The following SLC12A4 variants were observed in gnomAD, a reference collection of about 807,000 sequenced individuals.
SLC12A4 encodes solute carrier family 12 member 4, also known as electroneutral potassium-chloride cotransporter 1.
Under a neutral mutation model 119.2 loss-of-function variants are expected in SLC12A4, and 84 were observed. That is an observed-to-expected ratio of 0.70 (90% CI 0.59 to 0.85). The LOEUF (loss-of-function observed/expected upper bound fraction) is 0.85. SLC12A4 is among the 40% of genes least tolerant of loss of function. The probability of loss-of-function intolerance (pLI) is 0.00; values close to 1 mark genes in which losing one functional copy is unlikely to be tolerated. For synonymous variants in SLC12A4, 599 were observed against 604.6 expected, an observed-to-expected ratio of 0.99 and a Z score of 0.14; for missense variants, 1,298 against 1,476.3, an observed-to-expected ratio of 0.88 and a Z score of 1.98.
intron 6 of SLC12A4, chr16:67,954,270 C>A (rs1354593228): frequency 9.1e-6 from 3 of 328,240 alleles, no homozygotes; most frequent in African/African-American, 4.3e-5. Flanking sequence ...GGCACAGAGC[C>A]CCGGAGGACA....
At position 67,968,425 on chromosome 16, in the gene SLC12A4, G is replaced by C; in HGVS notation, c.115+14C>G. 1 of 1,562,986 alleles carries C rather than the reference G, an allele frequency of 6.4e-7. No homozygotes were observed. The highest frequency in any genetic ancestry group is 8.6e-7 in the Non-Finnish European group (1 of 1,162,048). ...CCCGCTGCCCCGCCACGGCCCCTCA[G>C]AACGCGCCCTCACCGTCCGAGTCAT... On this transcript the variant is annotated intron_variant, in intron 1 of 23. Transcript: ENST00000316341.
chr16:67,948,182 C>T (rs1333169918), intron 13 of SLC12A4, 23 bp from the exon 14 acceptor site: 1 of 1,609,818 alleles, frequency 6.2e-7, no homozygotes, highest in Non-Finnish European at 8.5e-7. Flanking sequence ...GGGCGGTTGG[C>T]GAAGAGCAGC....
In SLC12A4 at chr16:67,944,237, G is replaced by C; in HGVS notation, c.*603C>G. The C allele has an allele frequency of 6.9e-7, 1 of 1,445,202 alleles. No homozygotes were observed. The highest frequency in any genetic ancestry group is 9.1e-7 in the Non-Finnish European group (1 of 1,096,740). 89.5% of individuals were successfully genotyped at this position (1,445,202 alleles called of 1,614,324 possible). A position where few individuals can be genotyped will look rare whatever the true frequency, so the allele number is the denominator to read the frequency against. ...TTGTGGCCAGAGATTGCCGGAAAGG[G>C]GCACAGCCTCAGGGAGCCGGCTCTG... is the stretch of plus-strand genomic sequence containing the variant. On this transcript the variant is annotated 3_prime_UTR_variant, in exon 24 of 24. Coordinates refer to ENST00000316341, the MANE Select transcript of SLC12A4 (RefSeq NM_005072.5). This position sits in a 1 kb window ranked among gnomAD's most constrained non-coding sequence, Gnocchi z 6.6.
rs747996413 is a variant in SLC12A4 at position 67,952,336 on chromosome 16, C to T, written c.765G>A (p.Gly255=). The T allele has an allele frequency of 1.1e-5, 18 of 1,614,022 alleles. No individual in the cohort carries two copies. Among genetic ancestry groups the T allele is most frequent in the Middle Eastern group, 1.6e-4 (1 of 6,084 alleles). The change falls in exon 7 of 24, where the codon GGG becomes GGA. Residue 255 remains glycine (G), a synonymous_variant. Transcript: ENST00000316341. ...GGGTCATGAAGGTCAGGAAAATGGT[C>T]CCATACACACGCATATTGTTCAAAG... ...NATLNNMRVY[G]TIFLTFMTLV... is the part of the protein sequence containing the mutation.
At chr16:67,953,597 A>G (rs539107256) in intron 6 of SLC12A4, among the ~76,000 whole-genome samples, 2 of 152,258 alleles carry the variant, frequency 1.3e-5, no homozygotes, top group Non-Finnish European at 2.9e-5. Flanking sequence ...TCTAGAATTG[A>G]CTGCGCAACT....
intron 5 of SLC12A4, among the ~76,000 whole-genome samples, chr16:67,956,385 T>C (rs577088379): frequency 6.6e-6 from 1 of 151,914 alleles, no homozygotes; most frequent in East Asian, 1.9e-4. Flanking sequence ...GAGAATCCTG[T>C]TTTCAAAAAA....
At chr16:67,948,282 C>A in intron 13 of SLC12A4, 123 bp from the exon 14 acceptor site, 1 of 802,162 alleles carries the variant, frequency 1.2e-6, no homozygotes, top group Non-Finnish European at 2.0e-6. Context: ...TCAGCAAGGT[C>A]TTCTCAACCT....
intron 21 of SLC12A4, 91 bp from the exon 22 acceptor site, chr16:67,945,644 A>G (rs2151323724): frequency 6.6e-7 from 1 of 1,513,820 alleles, no homozygotes; most frequent in Non-Finnish European, 9.0e-7. Flanking sequence ...CCTCCGGGAA[A>G]TGAGCACTAG....
chr16:67,948,638 G>A (rs868034865), intron 13 of SLC12A4, among the ~76,000 whole-genome samples: 16 of 152,238 alleles, frequency 1.1e-4, no homozygotes, highest in African/African-American at 3.1e-4. Flanking sequence ...CCAGCTGCAT[G>A]AGCCCTCCAG....
chr16:67,948,270 G>T, intron 13 of SLC12A4, 111 bp from the exon 14 acceptor site: 1 of 919,104 alleles, frequency 1.1e-6, no homozygotes, highest in Non-Finnish European at 1.7e-6. Flanking sequence ...GCCCTGCATG[G>T]CTCAGCAAGG....
intron 3 of SLC12A4, among the ~76,000 whole-genome samples, chr16:67,960,639 A>C (rs1325406410): frequency 6.6e-6 from 1 of 151,270 alleles, no homozygotes; most frequent in Non-Finnish European, 1.5e-5. Context: ...AGCTCCTCTT[A>C]AAACACCACT....
At position 67,950,038 on chromosome 16, in the gene SLC12A4, G is replaced by A; in HGVS notation, c.1630-120C>T. ...CCTTGGGGGCTCAGGCCGCCCCTGTGTCTATCCCTATGGGTGTCACCAGTC... is the reference window on the plus strand; with the variant it reads ...CCTTGGGGGCTCAGGCCGCCCCTGTATCTATCCCTATGGGTGTCACCAGTC... On this transcript the variant is annotated intron_variant, in intron 12 of 23. Transcript: ENST00000316341. This position sits in a 1 kb window ranked among gnomAD's most constrained non-coding sequence, Gnocchi z 4.3. The A allele has an allele frequency of 1.2e-6, 1 of 801,530 alleles. No homozygotes were observed. The highest frequency in any genetic ancestry group is 2.1e-6 in the Non-Finnish European group (1 of 482,056). 49.7% of individuals were successfully genotyped at this position (801,530 alleles called of 1,614,324 possible).
At position 67,949,831 on chromosome 16, in the gene SLC12A4, A is replaced by C; in HGVS notation, c.1717T>G (p.Ser573Ala). 1 of 1,610,556 alleles carries C rather than the reference A, an allele frequency of 6.2e-7. No homozygotes were observed. Among genetic ancestry groups the C allele is most frequent in the Non-Finnish European group, 8.5e-7 (1 of 1,178,274 alleles). ...LIAELGILIA[S>A]LDMVAPILSM... The stretch of plus-strand genomic sequence containing the variant: ...AAGATGGGGGCCACCATGTCGAGGG[A>C]GGCGATGAGGATGCCCAGCTCGGCG... The change falls in exon 13 of 24, where the codon TCC becomes GCC. Residue 573 changes from serine to alanine, a missense_variant. Physicochemically the swap from Ser to Ala is moderately conservative, Grantham distance 99. Transcript: ENST00000316341. This position sits in a 1 kb window ranked among gnomAD's most constrained non-coding sequence, Gnocchi z 4.6.
At chr16:67,963,204 G>A (rs911594253) in intron 2 of SLC12A4, 6 of 214,186 alleles carry the variant, frequency 2.8e-5, no homozygotes, top group African/African-American at 6.9e-5. Context: ...CTAAGCGGGC[G>A]TTTCCTTGCT....
chr16:67,951,888 T>C lies in SLC12A4; in HGVS notation c.1067A>G (p.Tyr356Cys). 1.2e-6 allele frequency: 2 copies of C among 1,613,704 alleles called. No homozygotes were observed. Among genetic ancestry groups the C allele is most frequent in the Non-Finnish European group, 1.7e-6 (2 of 1,179,962 alleles). The change falls in exon 8 of 24, where the codon TAC (tyrosine) becomes TGC (cysteine). Residue 356 changes from tyrosine to cysteine, a missense_variant. Tyr to Cys is a radical substitution (Grantham distance 194, BLOSUM62 -2). Transcript: ENST00000316341. This position sits in a 1 kb window ranked among gnomAD's most constrained non-coding sequence, Gnocchi z 5.2. ...PNLTTDSCDP[Y>C]FMLNNVTEIP... Reference sequence around the variant, plus strand: ...CTCGGTCACATTGTTGAGCATGAAGTAGGGGTCACAGGAGTCGGTCGTAAG... The same window carrying C: ...CTCGGTCACATTGTTGAGCATGAAGCAGGGGTCACAGGAGTCGGTCGTAAG...
chr16:67,966,672 G>A (rs1232631515), intron 1 of SLC12A4: 1 of 1,519,888 alleles, frequency 6.6e-7, no homozygotes, highest in Non-Finnish European at 8.9e-7. Context: ...CTGGGGAAGG[G>A]GCAGGAGATA....
In SLC12A4 at chr16:67,968,546, T is replaced by C; in HGVS notation, c.8A>G (p.His3Arg). Residue 3 changes from histidine to arginine, a missense_variant, in exon 1 of 24, where the codon CAC becomes CGC. Transcript: ENST00000316341. MP[H>R]FTVVPVDGPR... is the part of the protein sequence containing the mutation. ...CCCGTCCACTGGCACCACGGTGAAG[T>C]GAGGCATCGTGCGGGCTCGGCCCCG... The C allele has an allele frequency of 1.3e-6, 2 of 1,566,828 alleles. No individual in the cohort carries two copies. Among genetic ancestry groups the C allele is most frequent in the South Asian group, 1.1e-5 (1 of 87,146 alleles).
Position 67,952,025 on chromosome 16 carries a change from C to G in SLC12A4, c.930G>C (p.Leu310=), listed in dbSNP as rs1230872068. The change falls in exon 8 of 24, where the codon CTG becomes CTC. Residue 310 remains leucine, a synonymous_variant. Coordinates refer to ENST00000316341, the MANE Select transcript of SLC12A4 (RefSeq NM_005072.5). ...FDPPVFPVCM[L]GNRTLSRDQF... is the part of the protein sequence containing the mutation. ...GGTCCCGGGACAGGGTCCTGTTGCC[C>G]AGCATGCATACCCTGTGAGGGACAG... 1 of 1,613,908 alleles carries G rather than the reference C, an allele frequency of 6.2e-7. No individual in the cohort carries two copies. Among genetic ancestry groups the G allele is most frequent in the South Asian group, 1.1e-5 (1 of 91,070 alleles).
At position 67,951,675 on chromosome 16, in the gene SLC12A4, A is replaced by T; in HGVS notation, c.1132+148T>A. 1 of 741,628 alleles carries T rather than the reference A, an allele frequency of 1.3e-6. No individual in the cohort carries two copies. 45.9% of individuals were successfully genotyped at this position (741,628 alleles called of 1,614,324 possible). On this transcript the variant is annotated intron_variant, in intron 8 of 23. Transcript: ENST00000316341. This position sits in a 1 kb window ranked among gnomAD's most constrained non-coding sequence, Gnocchi z 5.2. ...TCCACTCACTCCAAACTCGGCTGCC[A>T]GGAGCCAGGCTGGGAGGACACTGGG... is the stretch of plus-strand genomic sequence containing the variant.
Sources: allele counts gnomAD v4.1 joint callset (sites outside exome capture counted in the v4.1 genomes callset), GRCh38; gene constraint gnomAD v4.1.1; non-coding constraint Gnocchi (gnomAD v3.1); transcripts MANE v1.5; gene names NCBI Gene and HGNC (gene_info 2026-07-23, HGNC 2026-07-21).